The following ABLIM1 variants were observed in gnomAD, a reference collection of about 807,000 sequenced individuals.
The protein encoded by ABLIM1 is actin binding LIM protein 1.
Under a neutral mutation model 107.0 loss-of-function variants are expected in ABLIM1, and 40 were observed. That is an observed-to-expected ratio of 0.37 (90% CI 0.29 to 0.49). ABLIM1 has a LOEUF of 0.49. Ranked by LOEUF, ABLIM1 falls within the 20% of genes least tolerant of loss-of-function variation. ABLIM1 has a pLI of 0.97. For missense variants in ABLIM1, 857 were observed against 1,008.5 expected (o/e 0.85, Z 2.04); for synonymous variants, 357 against 357.3 (o/e 1.00, Z 0.01).
chr10:114,673,256 TAAAA>T (rs10712808), intron 1 of ABLIM1, among the ~76,000 whole-genome samples: 144 of 130,164 alleles, frequency 1.1e-3, no homozygotes, highest in African/African-American at 4.0e-3. Context: ...AGACTCCAGC[TAAAA>T]AAAAAAAAAA....
At chr10:114,524,798 G>A (rs867269210) in intron 6 of ABLIM1, among the ~76,000 whole-genome samples, 1 of 152,224 alleles carries the variant, frequency 6.6e-6, no homozygotes, top group Non-Finnish European at 1.5e-5. Flanking sequence ...AGAAGGAAAA[G>A]GGGGCAGAAG....
At chr10:114,724,361 G>A (rs1399111766) in intron 1 of ABLIM1, among the ~76,000 whole-genome samples, 5 of 152,114 alleles carry the variant, frequency 3.3e-5, no homozygotes, top group Non-Finnish European at 7.3e-5. Context: ...GACTACAAAG[G>A]CTCTCAAATG....
In ABLIM1 at chr10:114,444,150, A is replaced by G; in HGVS notation, c.1828-16T>C. On this transcript the variant is annotated splice_polypyrimidine_tract_variant and intron_variant, in intron 16 of 22. Transcript: ENST00000533213. The stretch of plus-strand genomic sequence containing the variant: ...CTGAGTTAAGCTATTCACAGAAAAA[A>G]GGAAAAAAAAAAAAAAAAGAAAGCA... 1.4e-6 allele frequency: 2 copies of G among 1,458,330 alleles called. No individual in the cohort carries two copies. The highest frequency in any genetic ancestry group is 2.4e-5 in the East Asian group (1 of 42,492). 90.3% of individuals were successfully genotyped at this position (1,458,330 alleles called of 1,614,324 possible). A position where few individuals can be genotyped will look rare whatever the true frequency, so the allele number is the denominator to read the frequency against.
chr10:114,514,769 C>T (rs977951444), intron 6 of ABLIM1, among the ~76,000 whole-genome samples: 1 of 152,172 alleles, frequency 6.6e-6, no homozygotes, highest in African/African-American at 2.4e-5. Context: ...GGAAGCAGGC[C>T]TCCCACAGGC....
chr10:114,475,195 C>T (rs1225524095), intron 8 of ABLIM1, among the ~76,000 whole-genome samples: 1 of 152,164 alleles, frequency 6.6e-6, no homozygotes. Context: ...CAGAACACAG[C>T]GCACAAAGCT....
In ABLIM1 at chr10:114,658,245, C is replaced by G. The variant is rs746990837; in HGVS notation, c.-45G>C. The G allele has an allele frequency of 3.8e-6, 6 of 1,570,980 alleles. No homozygotes were observed. In the East Asian group the frequency reaches 9.0e-5, roughly 24 times the overall value. On this transcript the variant is annotated 5_prime_UTR_variant, in exon 1 of 23. Transcript: ENST00000533213. The stretch of plus-strand genomic sequence containing the variant: ...CAATGAGAAATGGGGAGTGGGGACC[C>G]AAGGAGCGGTGCTGCCCCACAATTC...
chr10:114,779,658 A>C, the ABLIM1 span: 1 of 152,166 alleles, frequency 6.6e-6, no homozygotes, highest in Non-Finnish European at 1.5e-5. Context: ...ATTTGTCTTA[A>C]AGGTCTTTTC....
intron 2 of ABLIM1, among the ~76,000 whole-genome samples, chr10:114,601,048 A>G (rs2075934720): frequency 1.0e-5 from 1 of 97,158 alleles, no homozygotes; most frequent in African/African-American, 4.2e-5. Flanking sequence ...TCACATCTCA[A>G]TACACACACA....
chr10:114,457,119 T>C (rs1195083951), intron 12 of ABLIM1, among the ~76,000 whole-genome samples: 1 of 152,142 alleles, frequency 6.6e-6, no homozygotes, highest in Non-Finnish European at 1.5e-5. Context: ...AATAAGTTCT[T>C]GGAATACATA....
At chr10:114,632,218 C>A (rs549840994) in intron 1 of ABLIM1, 1 of 985,408 alleles carries the variant, frequency 1.0e-6, no homozygotes, top group South Asian at 4.7e-5. Flanking sequence ...GCTGCTGTAA[C>A]AAATGCAAAA....
intron 1 of ABLIM1, among the ~76,000 whole-genome samples, chr10:114,727,270 A>G (rs2081980005): frequency 6.6e-6 from 1 of 152,246 alleles, no homozygotes. Context: ...CTTAATAGTT[A>G]ACAAGATAAA....
At chr10:114,526,853 C>A in intron 6 of ABLIM1, 2 of 985,482 alleles carry the variant, frequency 2.0e-6, no homozygotes, top group South Asian at 4.7e-5. Context: ...CAACGTGCAT[C>A]CCTCTAGAGA....
At chr10:114,739,070 T>G (rs529283801) in intron 1 of ABLIM1, among the ~76,000 whole-genome samples, 1 of 152,270 alleles carries the variant, frequency 6.6e-6, no homozygotes, top group South Asian at 2.1e-4. Context: ...AGGTGGTGAT[T>G]TTAAGTAACT....
chr10:114,717,266 T>C (rs1226714450), intron 1 of ABLIM1, among the ~76,000 whole-genome samples: 1 of 152,206 alleles, frequency 6.6e-6, no homozygotes, highest in Non-Finnish European at 1.5e-5. Context: ...GGACGGAAAG[T>C]CTATGGTCTT....
chr10:114,560,835 T>C (rs1222167785), intron 4 of ABLIM1, among the ~76,000 whole-genome samples: 1 of 152,104 alleles, frequency 6.6e-6, no homozygotes, highest in Admixed American at 6.5e-5. Flanking sequence ...GGTAAGTCCA[T>C]AGAGACAGAA....
At chr10:114,607,371 T>C (rs915375954) in intron 1 of ABLIM1, among the ~76,000 whole-genome samples, 1 of 152,180 alleles carries the variant, frequency 6.6e-6, no homozygotes, top group Non-Finnish European at 1.5e-5. Context: ...CTGGCGTTTT[T>C]CTCCAGATGC....
At chr10:114,682,593 T>C (rs2080793176) in intron 1 of ABLIM1, among the ~76,000 whole-genome samples, 2 of 152,194 alleles carry the variant, frequency 1.3e-5, no homozygotes, top group African/African-American at 2.4e-5. Flanking sequence ...TGTGCCTGTT[T>C]TTAAGTCTTG....
chr10:114,683,801 G>A (rs1243618532), intron 1 of ABLIM1, among the ~76,000 whole-genome samples: 5 of 152,122 alleles, frequency 3.3e-5, no homozygotes, highest in Middle Eastern at 3.2e-3. Flanking sequence ...GTTGGCTGTC[G>A]GCCCCTGGGG....
At chr10:114,438,096 G>A (rs2059682817) in intron 21 of ABLIM1, among the ~76,000 whole-genome samples, 172 bp from the exon 22 acceptor site, 1 of 152,138 alleles carries the variant, frequency 6.6e-6, no homozygotes, top group Admixed American at 6.6e-5. Flanking sequence ...GTTTCCAGGG[G>A]ACAGGGACAG....
Sources: allele counts gnomAD v4.1 joint callset (sites outside exome capture counted in the v4.1 genomes callset), GRCh38; gene constraint gnomAD v4.1.1; transcripts MANE v1.5; gene names NCBI Gene and HGNC (gene_info 2026-07-23, HGNC 2026-07-21).